The following PLA2G4D variants were observed in gnomAD, a reference collection of about 807,000 sequenced individuals.
PLA2G4D encodes the protein cytosolic phospholipase A2 delta.
A neutral mutation model predicts 94.4 loss-of-function variants in PLA2G4D; 80 were observed. The ratio of observed to expected loss-of-function variants is 0.85; its 90% CI spans 0.71 to 1.02. The LOEUF (loss-of-function observed/expected upper bound fraction) is 1.02. PLA2G4D is among the 50% of genes least tolerant of loss of function. The pLI is 0.00. For synonymous variants in PLA2G4D, 438 were observed against 440.9 expected (o/e 0.99, Z 0.08); for missense variants, 1,050 against 1,034.7 (o/e 1.01, Z -0.20).
At chr15:42,078,083 C>G (rs1461331072) in intron 13 of PLA2G4D, among the ~76,000 whole-genome samples, 1 of 152,266 alleles carries the variant, frequency 6.6e-6, no homozygotes, top group Non-Finnish European at 1.5e-5. Context: ...ATAAATGTGA[C>G]TGTGGAACTG....
At chr15:42,082,895 G>A (rs1473978740) in intron 8 of PLA2G4D, among the ~76,000 whole-genome samples, 5 of 152,272 alleles carry the variant, frequency 3.3e-5, no homozygotes, top group Middle Eastern at 3.4e-3. Flanking sequence ...AAAATGAGGC[G>A]GCAGAGGTGG....
Position 42,078,563 on chromosome 15 carries a change from G to A in PLA2G4D, c.1317+974C>T, listed in dbSNP as rs904082023. On this transcript the variant is annotated intron_variant, in intron 13 of 19. Transcript: ENST00000290472. Reference sequence around the variant, plus strand: ...TTTCTAAGCAGTGTTGTACTTAACCGGTAAGAATAATATTTAAAGAAAAAA... The same window carrying A: ...TTTCTAAGCAGTGTTGTACTTAACCAGTAAGAATAATATTTAAAGAAAAAA... Among the ~76,000 whole-genome samples the A allele has an allele frequency of 3.3e-5, 5 of 152,216 alleles. No homozygotes were observed. The East Asian group carries it at 5.8e-4, about 18-fold the overall frequency.
At chr15:42,088,236 T>C (rs1890189130) in intron 1 of PLA2G4D, among the ~76,000 whole-genome samples, 1 of 152,122 alleles carries the variant, frequency 6.6e-6, no homozygotes, top group African/African-American at 2.4e-5. Flanking sequence ...GTAAGGGGTA[T>C]GAATGAGGAA....
chr15:42,085,162 G>T, intron 5 of PLA2G4D, 24 bp from the exon 6 acceptor site: 1 of 1,614,158 alleles, frequency 6.2e-7, no homozygotes, highest in Non-Finnish European at 8.5e-7. Context: ...ACCATGCAAA[G>T]GCAAACGCTT....
chr15:42,081,611 A>C lies in PLA2G4D; in HGVS notation c.825T>G (p.Pro275=). The change falls in exon 11 of 20, where the codon CCT becomes CCG. Residue 275 remains proline (P), a synonymous_variant. Transcript: ENST00000290472. ...VRLQLKAEGC[P]EELAVHLGFN... ...AGCCCAGGTGCACGGCCAGCTCCTC[A>C]GGGCTGTGGCAATGGAGGATCCAGG... 1 of 1,614,014 alleles carries C rather than the reference A, an allele frequency of 6.2e-7. No homozygotes were observed. The highest frequency in any genetic ancestry group is 8.5e-7 in the Non-Finnish European group (1 of 1,179,924).
intron 3 of PLA2G4D, 151 bp from the exon 4 acceptor site, chr15:42,086,495 T>G: frequency 1.3e-6 from 1 of 749,640 alleles, no homozygotes; most frequent in East Asian, 2.9e-5. Context: ...ACTGTAAAAC[T>G]TAAATATAAG....
At chr15:42,081,884 G>T (rs1890045776) in intron 9 of PLA2G4D, 50 bp from the exon 10 acceptor site, 1 of 1,603,662 alleles carries the variant, frequency 6.2e-7, no homozygotes, top group Admixed American at 1.7e-5. Context: ...ACCCTAAGCG[G>T]CACATGGGTA....
At chr15:42,083,073 C>G in intron 8 of PLA2G4D, 125 bp downstream of exon 8, 6 of 1,316,462 alleles carry the variant, frequency 4.6e-6, no homozygotes, top group African/African-American at 3.0e-5. Flanking sequence ...AGGTGCCTAA[C>G]TAGGGGAGGC....
At chr15:42,081,660 C>T in intron 10 of PLA2G4D, 46 bp from the exon 11 acceptor site, 2 of 1,610,642 alleles carry the variant, frequency 1.2e-6, no homozygotes, top group Non-Finnish European at 1.7e-6. Flanking sequence ...CTGCATAGCT[C>T]AGCCACTGGC....
chr15:42,086,475 A>T (rs1240823655), intron 3 of PLA2G4D, 131 bp from the exon 4 acceptor site: 26 of 466,690 alleles, frequency 5.6e-5, no homozygotes, highest in African/African-American at 4.5e-5. Flanking sequence ...GCTTCAAAAT[A>T]AAAAAAAAAA....
chr15:42,081,892 G>C, intron 9 of PLA2G4D, 58 bp from the exon 10 acceptor site: 2 of 1,559,566 alleles, frequency 1.3e-6, no homozygotes, highest in Non-Finnish European at 1.8e-6. Flanking sequence ...CGGCACATGG[G>C]TATCCCTGGG....
chr15:42,091,984 A>G (rs1028930648), intron 1 of PLA2G4D, among the ~76,000 whole-genome samples: 1 of 152,174 alleles, frequency 6.6e-6, no homozygotes, highest in Non-Finnish European at 1.5e-5. Context: ...AATAAACAAC[A>G]GCACAGCCAG....
intron 13 of PLA2G4D, among the ~76,000 whole-genome samples, chr15:42,073,473 G>C (rs1010270129): frequency 6.6e-6 from 1 of 152,210 alleles, no homozygotes; most frequent in Non-Finnish European, 1.5e-5. Context: ...CACCACCTTG[G>C]GAAGGATTCT....
At chr15:42,079,973 T>C (rs1463276959) in intron 12 of PLA2G4D, among the ~76,000 whole-genome samples, 2 of 152,262 alleles carry the variant, frequency 1.3e-5, no homozygotes, top group Non-Finnish European at 2.9e-5. Flanking sequence ...TTAAATTTCC[T>C]AGTAACCACA....
chr15:42,072,585 G>A (rs1030142546), intron 13 of PLA2G4D, among the ~76,000 whole-genome samples, 193 bp from the exon 14 acceptor site: 6 of 152,138 alleles, frequency 3.9e-5, no homozygotes, highest in Non-Finnish European at 5.9e-5. Context: ...ATGCAGGGTC[G>A]CTGGACAGGG....
intron 3 of PLA2G4D, 127 bp from the exon 4 acceptor site, chr15:42,086,471 A>C: frequency 1.2e-6 from 1 of 856,654 alleles, no homozygotes; most frequent in Non-Finnish European, 1.8e-6. Context: ...CTGCGCTTCA[A>C]AATAAAAAAA....
At chr15:42,082,518 T>C (rs1046520419) in intron 8 of PLA2G4D, 129 bp from the exon 9 acceptor site, 60 of 501,380 alleles carry the variant, frequency 1.2e-4, no homozygotes, top group Non-Finnish European at 1.8e-4. Flanking sequence ...ATAAGTATCA[T>C]AATTATAATT....
At chr15:42,089,291 T>G (rs548197153) in intron 1 of PLA2G4D, among the ~76,000 whole-genome samples, 1 of 152,118 alleles carries the variant, frequency 6.6e-6, no homozygotes, top group African/African-American at 2.4e-5. Context: ...AGATGCTGCT[T>G]GCTAGGGGCT....
rs775265815 is a variant in PLA2G4D, at chr15:42,070,850, G to T, written c.1910C>A (p.Thr637Asn). 2 of 1,612,004 alleles carry T rather than the reference G, an allele frequency of 1.2e-6. No homozygotes were observed. Among genetic ancestry groups the T allele is most frequent in the Non-Finnish European group, 1.7e-6 (2 of 1,179,188 alleles). Residue 637 changes from threonine to asparagine, a missense_variant, in exon 18 of 20, where the codon ACC (threonine) becomes AAC (asparagine). Thr to Asn is a moderately conservative substitution (Grantham distance 65, BLOSUM62 0). Transcript: ENST00000290472. ...CAGGCAGAGCCGGGGCTCCTTGGGG[G>T]TCAGCTGGCTGGGCATGGAGTCAAG... ...YQLDSMPSQLTPKEPRLCLVD... is the reference protein window; with the variant it reads ...YQLDSMPSQLNPKEPRLCLVD...
Sources: allele counts gnomAD v4.1 joint callset (sites outside exome capture counted in the v4.1 genomes callset), GRCh38; gene constraint gnomAD v4.1.1; transcripts MANE v1.5; gene names NCBI Gene and HGNC (gene_info 2026-07-23, HGNC 2026-07-21).